ACADM: variants seen among roughly 807,000 people sequenced by gnomAD.
ACADM encodes acyl-CoA dehydrogenase medium chain.
ACADM carries 49 observed loss-of-function variants against 58.9 expected under a neutral mutation model. The observed-to-expected ratio is 0.83, with a 90% confidence interval of 0.66 to 1.06. The LOEUF (loss-of-function observed/expected upper bound fraction) is 1.06. Among genes scored for constraint, ACADM ranks in the 50% least tolerant of loss-of-function variants. The pLI is 0.00. For missense variants in ACADM, 496 were observed against 507.0 expected, an observed-to-expected ratio of 0.98 and a Z score of 0.21; for synonymous variants, 160 against 157.7, an observed-to-expected ratio of 1.01 and a Z score of -0.11.
chr1:75,728,715 C>CTTAA (rs949998664), intron 2 of ACADM, among the ~76,000 whole-genome samples: 9 of 152,274 alleles, frequency 5.9e-5, no homozygotes, highest in African/African-American at 2.2e-4. Flanking sequence ...CATACATACA[C>CTTAA]TTAAATTCCT....
At position 75,750,635 on chromosome 1, in the gene ACADM, C is replaced by A; in HGVS notation, c.945+89C>A. On this transcript the variant is annotated intron_variant, in intron 10 of 11. Transcript: ENST00000370841. ...AATGATTTTTAAACCACAAACTAAT[C>A]AATTTCTACTTTGATAGCAAGAAGA... 4 of 881,682 alleles carry A rather than the reference C, an allele frequency of 4.5e-6. 1 individual carries two copies. The highest frequency in any genetic ancestry group is 1.4e-5 in the South Asian group (1 of 70,236). 54.6% of individuals were successfully genotyped at this position (881,682 alleles called of 1,614,324 possible).
rs1197961708 is a variant in ACADM at position 75,732,689 on chromosome 1, T to C, written c.164T>C (p.Phe55Ser). The C allele has an allele frequency of 6.2e-7, 1 of 1,614,080 alleles. No homozygotes were observed. Among genetic ancestry groups the C allele is most frequent in the Non-Finnish European group, 8.5e-7 (1 of 1,179,970 alleles). ...QKEFQATARKFAREEIIPVAA... is the reference protein window; with the variant it reads ...QKEFQATARKSAREEIIPVAA... ...GAATTTCAAGCTACTGCTCGTAAAT[T>C]TGCCAGAGAGGAAATCATCCCAGTG... The change falls in exon 3 of 12, where the codon TTT (phenylalanine) becomes TCT (serine). Residue 55 changes from phenylalanine to serine, a missense_variant. By Grantham distance (155) the Phe-to-Ser change is radical. Transcript: ENST00000370841.
At chr1:75,731,278 C>CAAA (rs56885972) in intron 2 of ACADM, among the ~76,000 whole-genome samples, 7 of 64,930 alleles carry the variant, frequency 1.1e-4, no homozygotes, top group East Asian at 6.3e-4. Flanking sequence ...GACTCCGTCT[C>CAAA]AAAAAAAAAA....
chr1:75,750,647 T>C, intron 10 of ACADM, 101 bp downstream of exon 10: 1 of 806,678 alleles, frequency 1.2e-6, no homozygotes. Flanking sequence ...ATTTCTACTT[T>C]GATAGCAAGA....
At chr1:75,742,026 G>A (rs1050178124) in intron 7 of ACADM, among the ~76,000 whole-genome samples, 7 of 152,080 alleles carry the variant, frequency 4.6e-5, no homozygotes, top group South Asian at 2.1e-4. Flanking sequence ...TTATTTTTTT[G>A]AGAACATCTG....
intron 2 of ACADM, among the ~76,000 whole-genome samples, chr1:75,729,209 AT>A (rs1234961697): frequency 8.4e-6 from 1 of 119,462 alleles, no homozygotes; most frequent in Non-Finnish European, 1.7e-5. Context: ...TTTTTTAAAG[AT>A]TTTTCCCTTT....
rs1316474618 is a variant in ACADM, at chr1:75,761,109, T to C, written c.946-13T>C. On this transcript the variant is annotated splice_polypyrimidine_tract_variant and intron_variant, in intron 10 of 11. Coordinates refer to ENST00000370841, the MANE Select transcript of ACADM (RefSeq NM_000016.6). ...CAATAAATATCCTTTAATTTTTTTC[T>C]TTTTAATTCTAGCACCAAGCAATAT... The C allele has an allele frequency of 6.2e-7, 1 of 1,612,172 alleles. No individual in the cohort carries two copies. The highest frequency in any genetic ancestry group is 2.2e-5 in the East Asian group (1 of 44,802).
chr1:75,730,331 A>C (rs2100354552), intron 2 of ACADM, among the ~76,000 whole-genome samples: 1 of 152,160 alleles, frequency 6.6e-6, no homozygotes, highest in Non-Finnish European at 1.5e-5. Context: ...GTTAGATATA[A>C]TTGTTTGGGA....
chr1:75,733,463 T>G, intron 4 of ACADM, 65 bp from the exon 5 acceptor site: 1 of 1,450,648 alleles, frequency 6.9e-7, no homozygotes, highest in Non-Finnish European at 9.7e-7. Flanking sequence ...ATTAAAATAG[T>G]TTACCTTTAT....
chr1:75,745,396 G>A, intron 7 of ACADM: 1 of 182,362 alleles, frequency 5.5e-6, no homozygotes, highest in Non-Finnish European at 1.2e-5. Flanking sequence ...AGAGGTGGAA[G>A]GATGGCTTGA....
intron 10 of ACADM, among the ~76,000 whole-genome samples, chr1:75,757,783 C>T (rs1648593028): frequency 6.6e-6 from 1 of 152,214 alleles, no homozygotes; most frequent in East Asian, 1.9e-4. Context: ...TTCCCACCCA[C>T]ACCAAGCAAC....
chr1:75,746,048 T>A (rs1647883743), intron 8 of ACADM, 134 bp downstream of exon 8: 3 of 694,580 alleles, frequency 4.3e-6, no homozygotes, highest in Admixed American at 2.5e-5. Context: ...TTTGATGATA[T>A]TAGATCAAAT....
intron 4 of ACADM, 134 bp from the exon 5 acceptor site, chr1:75,733,394 C>T (rs1557445137): frequency 1.3e-5 from 13 of 1,009,226 alleles, no homozygotes; most frequent in Non-Finnish European, 1.9e-5. Flanking sequence ...AGCCAGAACA[C>T]ATGTAGATAT....
Position 75,740,063 on chromosome 1 carries a change from T to A in ACADM, c.552T>A (p.Ile184=). Residue 184 remains isoleucine, a synonymous_variant, in exon 7 of 12, where the codon ATT becomes ATA. Transcript: ENST00000370841. ...TKAEKKGDEY[I]INGQKMWITN... ...CAGAAAAGAAAGGAGATGAGTATAT[T>A]ATTAATGGTCAGAAGATGTGGATAA... is the stretch of plus-strand genomic sequence containing the variant. The A allele has an allele frequency of 6.2e-7, 1 of 1,612,666 alleles. No homozygotes were observed. The highest frequency in any genetic ancestry group is 2.2e-5 in the East Asian group (1 of 44,754).
At chr1:75,726,799 AC>A (rs1366907075) in intron 1 of ACADM, among the ~76,000 whole-genome samples, 7 of 126,374 alleles carry the variant, frequency 5.5e-5, no homozygotes, top group Non-Finnish European at 1.0e-4. Flanking sequence ...AAACTGTTTC[AC>A]TTTTTTTTTT....
intron 2 of ACADM, among the ~76,000 whole-genome samples, chr1:75,732,280 G>A (rs983394886): frequency 2.2e-4 from 34 of 152,126 alleles, no homozygotes; most frequent in African/African-American, 8.0e-4. Flanking sequence ...GAGATGTCTT[G>A]TATATTAGTT....
chr1:75,753,695 T>C (rs1648329926), intron 10 of ACADM, among the ~76,000 whole-genome samples: 1 of 151,696 alleles, frequency 6.6e-6, no homozygotes, highest in Non-Finnish European at 1.5e-5. Context: ...TGAAAAATCT[T>C]AGTTTTTCCT....
At position 75,737,758 on chromosome 1, in the gene ACADM, T is replaced by C. The variant is rs139598225; in HGVS notation, c.469-2222T>C. On this transcript the variant is annotated intron_variant, in intron 6 of 11. Transcript: ENST00000370841. ...AGCATCTGTTATCATTAGAAAAATATTTTGGATTACATAATGCTTAAGCAC... is the reference window on the plus strand; with the variant it reads ...AGCATCTGTTATCATTAGAAAAATACTTTGGATTACATAATGCTTAAGCAC... Among the ~76,000 whole-genome samples, 4 of 152,108 alleles carry C rather than the reference T, an allele frequency of 2.6e-5. No individual in the cohort carries two copies. The East Asian group carries it at 7.7e-4, about 29-fold the overall frequency.
intron 9 of ACADM, among the ~76,000 whole-genome samples, chr1:75,750,111 T>C (rs942922021): frequency 9.2e-5 from 14 of 152,176 alleles, no homozygotes; most frequent in Admixed American, 3.3e-4. Flanking sequence ...TAGTTGGTGC[T>C]AGATTTAGAG....
Sources: gnomAD v4.1 joint callset for allele counts (sites outside exome capture counted in the v4.1 genomes callset) on GRCh38, gnomAD v4.1.1 for gene constraint, MANE v1.5 for transcripts, NCBI Gene and HGNC (gene_info 2026-07-23, HGNC 2026-07-21) for gene names.